TAFA2: variants seen among roughly 807,000 people sequenced by gnomAD.
TAFA2 encodes TAFA chemokine like family member 2.
In TAFA2, 7 loss-of-function variants were observed where a neutral mutation model predicts 18.8. The observed-to-expected ratio is 0.37, with a 90% CI of 0.21 to 0.70. The LOEUF (loss-of-function observed/expected upper bound fraction) is 0.70, where lower values mean the gene tolerates loss of function less well. Ranked by LOEUF, TAFA2 falls within the 30% of genes least tolerant of loss-of-function variation. The pLI, the probability that TAFA2 is intolerant of heterozygous loss-of-function variation, is 0.53. For synonymous variants in TAFA2, 60 were observed against 54.2 expected (o/e 1.11, Z -0.47); for missense variants, 122 against 158.1 (o/e 0.77, Z 1.23).
intron 1 of TAFA2, among the ~76,000 whole-genome samples, chr12:61,953,914 C>G (rs918385875): frequency 6.6e-6 from 1 of 152,182 alleles, no homozygotes; most frequent in Non-Finnish European, 1.5e-5. Context: ...TAAGAAAGAA[C>G]ATACTTTGAA....
At chr12:61,800,008 C>G (rs1210028027) in intron 2 of TAFA2, among the ~76,000 whole-genome samples, 1 of 151,950 alleles carries the variant, frequency 6.6e-6, no homozygotes, top group Non-Finnish European at 1.5e-5. Flanking sequence ...ATCACATTGT[C>G]CACAAACACT....
intron 1 of TAFA2, among the ~76,000 whole-genome samples, chr12:61,956,443 G>C (rs192635747): frequency 1.3e-4 from 20 of 152,034 alleles, no homozygotes; most frequent in African/African-American, 4.6e-4. Flanking sequence ...TTTGCTTAGA[G>C]ACCCTAATTT....
intron 2 of TAFA2, among the ~76,000 whole-genome samples, chr12:61,818,240 T>C (rs1422475580): frequency 6.6e-6 from 1 of 152,158 alleles, no homozygotes; most frequent in African/African-American, 2.4e-5. Context: ...CTTTATCAAA[T>C]AGAATCTGTC....
chr12:61,889,477 G>A (rs1480856723), intron 1 of TAFA2, among the ~76,000 whole-genome samples: 2 of 152,094 alleles, frequency 1.3e-5, no homozygotes, highest in East Asian at 3.9e-4. Context: ...AAGTTGGCTG[G>A]TTTCTTTGTT....
rs1565781195 is a variant in TAFA2 at position 62,215,663 on chromosome 12, T to TTCTTGCTTAAGAGGAAGAACTTGTTTC, written c.-130+43073_-130+43099dup. Among the ~76,000 whole-genome samples, 60 of 67,940 alleles carry TTCTTGCTTAAGAGGAAGAACTTGTTTC rather than the reference T, an allele frequency of 8.8e-4. 1 individual carries two copies. Among genetic ancestry groups the TTCTTGCTTAAGAGGAAGAACTTGTTTC allele is most frequent in the African/African-American group, 2.8e-3 (58 of 20,448 alleles). The allele number at this position is 67,940 out of a possible 152,430, so 44.6% of individuals were successfully genotyped here. A position where few individuals can be genotyped will look rare whatever the true frequency, so the allele number is the denominator to read the frequency against. ...AAAAAACAAGAGGAAGAACTTGTTT[T>TTCTTGCTTAAGAGGAAGAACTTGTTTC]TCTTGCTTAAGAGGAAGAACTTGTT... On this transcript the variant is annotated intron_variant, in intron 1 of 5. Transcript: ENST00000551619.
upstream of TAFA2, among the ~76,000 whole-genome samples, chr12:62,197,297 C>T (rs144840854): frequency 5.0e-3 from 763 of 152,338 alleles, 2 homozygotes; most frequent in African/African-American, 0.017. Context: ...TTTAAATTGC[C>T]ATCCTCCTCA....
intron 1 of TAFA2, among the ~76,000 whole-genome samples, chr12:61,906,647 G>C (rs948425813): frequency 2.6e-5 from 4 of 152,166 alleles, no homozygotes; most frequent in Non-Finnish European, 5.9e-5. Context: ...GTAACAGGCA[G>C]AGGTTTGAAC....
chr12:61,724,701 G>T (rs1374407563), intron 4 of TAFA2, among the ~76,000 whole-genome samples: 3 of 150,680 alleles, frequency 2.0e-5, no homozygotes, highest in Non-Finnish European at 4.4e-5. Flanking sequence ...TACTGTGAAA[G>T]AAATTATTTC....
intron 1 of TAFA2, among the ~76,000 whole-genome samples, chr12:62,066,894 C>G (rs1882504059): frequency 6.6e-6 from 1 of 151,976 alleles, no homozygotes; most frequent in Admixed American, 6.6e-5. Context: ...CTCCAACCTG[C>G]TCTCTATAGT....
chr12:61,765,480 C>G (rs773438500), intron 2 of TAFA2, among the ~76,000 whole-genome samples: 1 of 152,064 alleles, frequency 6.6e-6, no homozygotes, highest in African/African-American at 2.4e-5. Context: ...TAATGATATT[C>G]CTAGTAATGG....
At chr12:61,924,840 C>A (rs552076132) in intron 1 of TAFA2, among the ~76,000 whole-genome samples, 1 of 152,218 alleles carries the variant, frequency 6.6e-6, no homozygotes, top group South Asian at 2.1e-4. Context: ...ATTCAGGAGA[C>A]CCATCTCACA....
chr12:62,087,727 T>C (rs1868516551), intron 1 of TAFA2, among the ~76,000 whole-genome samples: 1 of 152,066 alleles, frequency 6.6e-6, no homozygotes. Context: ...GAGAATTAAG[T>C]GATCTAATTT....
At chr12:61,829,921 A>G (rs1872655447) in intron 2 of TAFA2, among the ~76,000 whole-genome samples, 1 of 151,790 alleles carries the variant, frequency 6.6e-6, no homozygotes. Context: ...GTGGACAGTA[A>G]GCAATTATTT....
upstream of TAFA2, among the ~76,000 whole-genome samples, chr12:62,194,390 G>T (rs1171000461): frequency 6.6e-6 from 1 of 151,482 alleles, no homozygotes; most frequent in Non-Finnish European, 1.5e-5. Context: ...ACTTTTTGTG[G>T]TTGTAATCTA....
chr12:62,108,808 T>A (rs763806408), intron 1 of TAFA2, among the ~76,000 whole-genome samples: 17 of 152,230 alleles, frequency 1.1e-4, no homozygotes, highest in Non-Finnish European at 2.2e-4. Flanking sequence ...TCTGTTCATA[T>A]CCTTCACCCA....
intron 2 of TAFA2, among the ~76,000 whole-genome samples, chr12:61,824,319 T>C (rs1176288342): frequency 6.6e-6 from 1 of 152,176 alleles, no homozygotes; most frequent in Non-Finnish European, 1.5e-5. Context: ...ATGCCATACC[T>C]GGACTCCTGA....
Position 61,709,058 on chromosome 12 carries a change from G to A in TAFA2, c.*1348C>T, listed in dbSNP as rs896477907. ...CTCCTTGCATTCCTTCAAACTATAGGTTTACACAATATTGTTACAGAATGG... is the reference window on the plus strand; with the variant it reads ...CTCCTTGCATTCCTTCAAACTATAGATTTACACAATATTGTTACAGAATGG... On this transcript the variant is annotated 3_prime_UTR_variant, in exon 5 of 5. Transcript: ENST00000416284. 6.6e-6 allele frequency: 1 copy of A among 152,204 alleles called. No individual in the cohort carries two copies. Among genetic ancestry groups the A allele is most frequent in the African/African-American group, 2.4e-5 (1 of 41,322 alleles). The allele number at this position is 152,204 out of a possible 1,614,324, so 9.4% of individuals were successfully genotyped here.
At chr12:62,028,977 G>C (rs1881379240) in intron 1 of TAFA2, among the ~76,000 whole-genome samples, 5 of 151,932 alleles carry the variant, frequency 3.3e-5, no homozygotes, top group African/African-American at 1.2e-4. Context: ...TTCAAGTATA[G>C]GCTAAAATAC....
intron 1 of TAFA2, among the ~76,000 whole-genome samples, chr12:62,138,142 G>A (rs1870971878): frequency 6.6e-6 from 1 of 152,102 alleles, no homozygotes; most frequent in Non-Finnish European, 1.5e-5. Context: ...CATCAGCCAG[G>A]TGTGGTGGCA....
Sources: allele counts gnomAD v4.1 joint callset (sites outside exome capture counted in the v4.1 genomes callset), GRCh38; gene constraint gnomAD v4.1.1; transcripts MANE v1.5; gene names NCBI Gene and HGNC (gene_info 2026-07-23, HGNC 2026-07-21).